The following CDH18 variants were observed in gnomAD, a reference collection of about 807,000 sequenced individuals.
The protein encoded by CDH18 is cadherin 18.
Under a neutral mutation model 67.9 loss-of-function variants are expected in CDH18, and 31 were observed. That is an observed-to-expected ratio of 0.46 (90% CI 0.34 to 0.62). The LOEUF (loss-of-function observed/expected upper bound fraction) is 0.62. Ranked by LOEUF, CDH18 falls within the 20% of genes least tolerant of loss-of-function variation. The pLI is 0.01. For missense variants in CDH18, 890 were observed against 975.5 expected (o/e 0.91, Z 1.17); for synonymous variants, 362 against 347.2 (o/e 1.04, Z -0.48).
chr5:20,038,981 G>C (rs1041279858), intron 2 of CDH18, among the ~76,000 whole-genome samples: 9 of 152,140 alleles, frequency 5.9e-5, no homozygotes, highest in African/African-American at 2.2e-4. Flanking sequence ...AAGCTGATAA[G>C]CAACTTCATC....
intron 3 of CDH18, among the ~76,000 whole-genome samples, chr5:19,835,575 T>A (rs2150011331): frequency 6.6e-6 from 1 of 152,290 alleles, no homozygotes; most frequent in African/African-American, 2.4e-5. Flanking sequence ...ATTAATTTTC[T>A]AAGCAAGTTA....
chr5:19,482,272 C>CA (rs1579703129), intron 12 of CDH18, among the ~76,000 whole-genome samples: 1 of 152,080 alleles, frequency 6.6e-6, no homozygotes, highest in African/African-American at 2.4e-5. Context: ...CCTGCCACCA[C>CA]CCCTGGCTAA....
intron 1 of CDH18, among the ~76,000 whole-genome samples, chr5:20,345,241 GGTTGTAA>G (rs1740604484): frequency 6.8e-6 from 1 of 147,600 alleles, no homozygotes. Context: ...TGGAAATTGG[GGTTGTAA>G]TTTGTATATT....
At chr5:20,157,803 A>C (rs1036327641) in intron 2 of CDH18, among the ~76,000 whole-genome samples, 1 of 151,680 alleles carries the variant, frequency 6.6e-6, no homozygotes, top group African/African-American at 2.4e-5. Flanking sequence ...CACCACACCC[A>C]GCTAATTTTT....
intron 11 of CDH18, among the ~76,000 whole-genome samples, chr5:19,499,473 C>T (rs924489774): frequency 2.0e-5 from 3 of 151,844 alleles, no homozygotes; most frequent in Non-Finnish European, 4.4e-5. Context: ...ACATATATAT[C>T]ATTAAATTTC....
chr5:20,321,516 T>G (rs563496937), intron 1 of CDH18, among the ~76,000 whole-genome samples: 7 of 152,084 alleles, frequency 4.6e-5, no homozygotes, highest in Non-Finnish European at 7.4e-5. Context: ...GAAATGTCAT[T>G]TCACATTACT....
At chr5:20,082,427 C>G (rs970379813) in intron 2 of CDH18, among the ~76,000 whole-genome samples, 2 of 152,144 alleles carry the variant, frequency 1.3e-5, no homozygotes, top group African/African-American at 4.8e-5. Context: ...TGCATCAACT[C>G]AGTAGTTTCT....
intron 1 of CDH18, among the ~76,000 whole-genome samples, chr5:20,522,925 AATG>A (rs1347538299): frequency 6.6e-6 from 1 of 152,204 alleles, no homozygotes; most frequent in Non-Finnish European, 1.5e-5. Flanking sequence ...CTAAATCAAT[AATG>A]ATTATTATGC....
chr5:20,231,159 T>C (rs1742038027), intron 2 of CDH18, among the ~76,000 whole-genome samples: 1 of 152,272 alleles, frequency 6.6e-6, no homozygotes, highest in East Asian at 1.9e-4. Context: ...GAAATCAAAA[T>C]TGTATAAGTG....
chr5:19,783,286 T>C (rs1775339829), intron 3 of CDH18, among the ~76,000 whole-genome samples: 1 of 152,096 alleles, frequency 6.6e-6, no homozygotes, highest in South Asian at 2.1e-4. Context: ...ATTAATAAGG[T>C]ACAATTAGAT....
intron 1 of CDH18, among the ~76,000 whole-genome samples, chr5:19,986,373 G>T (rs1690386553): frequency 6.6e-6 from 1 of 152,112 alleles, no homozygotes; most frequent in African/African-American, 2.4e-5. Context: ...ATTCTCCTTT[G>T]CTATTGGGTT....
At chr5:19,726,182 A>G (rs1766819324) in intron 4 of CDH18, among the ~76,000 whole-genome samples, 1 of 152,224 alleles carries the variant, frequency 6.6e-6, no homozygotes, top group African/African-American at 2.4e-5. Context: ...TTAAATAAGG[A>G]AAAACAAGGA....
chr5:20,413,876 A>G (rs1747026228), intron 1 of CDH18, among the ~76,000 whole-genome samples: 1 of 152,196 alleles, frequency 6.6e-6, no homozygotes, highest in East Asian at 1.9e-4. Context: ...TTTAGTCATG[A>G]AGTCCTTGCC....
chr5:20,519,963 T>C lies in CDH18; in HGVS notation c.-580+55499A>G, dbSNP rs1026642690. Among the ~76,000 whole-genome samples, 51 of 107,404 alleles carry C rather than the reference T, an allele frequency of 4.7e-4. No homozygotes were observed. In the East Asian group the frequency reaches 0.011, roughly 23 times the overall value. 70.5% of individuals were successfully genotyped at this position (107,404 alleles called of 152,430 possible). On this transcript the variant is annotated intron_variant, in intron 1 of 14. Coordinates refer to the CDH18 transcript ENST00000507958. ...TTGGCTTTTTTTTTTTTTTTTTTTT[T>C]TTTTTTTTTTTTTTTTTTGTATTTT...
At chr5:19,490,533 G>A (rs1200985677) in intron 11 of CDH18, among the ~76,000 whole-genome samples, 2 of 147,286 alleles carry the variant, frequency 1.4e-5, no homozygotes, top group East Asian at 4.2e-4. Flanking sequence ...TCCTGCCTCA[G>A]CCTCCCAAGT....
At chr5:19,895,924 G>T (rs1434551183) in intron 2 of CDH18, among the ~76,000 whole-genome samples, 2 of 152,032 alleles carry the variant, frequency 1.3e-5, no homozygotes, top group African/African-American at 4.8e-5. Flanking sequence ...GACTGTGATG[G>T]TAGCTACACA....
At chr5:19,642,739 G>T (rs1561528423) in intron 5 of CDH18, among the ~76,000 whole-genome samples, 1 of 151,928 alleles carries the variant, frequency 6.6e-6, no homozygotes, top group Non-Finnish European at 1.5e-5. Flanking sequence ...AAGATAGGGG[G>T]AAGGCTTCTT....
intron 2 of CDH18, among the ~76,000 whole-genome samples, chr5:20,043,326 A>G (rs185548065): frequency 2.0e-5 from 3 of 152,240 alleles, no homozygotes; most frequent in East Asian, 3.9e-4. Context: ...CTTCACTGCC[A>G]TTCCTTGTGC....
intron 1 of CDH18, among the ~76,000 whole-genome samples, chr5:20,501,582 T>A (rs866906968): frequency 0.014 from 221 of 15,916 alleles, 2 homozygotes; most frequent in Middle Eastern, 0.026. Flanking sequence ...ATATATATAT[T>A]ATATATATAT....
Sources: gnomAD v4.1 joint callset for allele counts (sites outside exome capture counted in the v4.1 genomes callset) on GRCh38, gnomAD v4.1.1 for gene constraint, MANE v1.5 for transcripts, NCBI Gene and HGNC (gene_info 2026-07-23, HGNC 2026-07-21) for gene names.